RYR2: variants seen among roughly 807,000 people sequenced by gnomAD.
RYR2 encodes ryanodine receptor 2, also known as cardiac muscle ryanodine receptor-calcium release channel.
In RYR2, 227 loss-of-function variants were observed where a neutral mutation model predicts 601.1. That is an observed-to-expected ratio of 0.38 (90% CI 0.34 to 0.42). The LOEUF is 0.42. Among genes scored for constraint, RYR2 ranks in the 10% least tolerant of loss-of-function variants. RYR2 has a pLI of 1.00. For missense variants in RYR2, 4,646 were observed against 6,156.5 expected (o/e 0.75, Z 8.21); for synonymous variants, 2,223 against 2,175.1 (o/e 1.02, Z -0.61).
Position 237,610,780 on chromosome 1 carries a change from G to T in RYR2, c.4702G>T (p.Ala1568Ser). 6.2e-7 allele frequency: 1 copy of T among 1,606,032 alleles called. No individual in the cohort carries two copies. Among genetic ancestry groups the T allele is most frequent in the Non-Finnish European group, 8.5e-7 (1 of 1,176,640 alleles). Residue 1568 changes from alanine to serine, a missense_variant, in exon 36 of 105, where the codon GCG (alanine) becomes TCG (serine). Physicochemically the swap from Ala to Ser is moderately conservative, Grantham distance 99. Coordinates refer to ENST00000366574, the MANE Select transcript of RYR2 (RefSeq NM_001035.3). The surrounding 1 kb of genome is among the most constrained non-coding windows in gnomAD (Gnocchi z 4.9). Reference protein sequence around the residue: ...GRIKNVMPLSAGLFKSEHKNP... With the variant: ...GRIKNVMPLSSGLFKSEHKNP... ...CCGCTAGAATGTGATGCCTCTCTCG[G>T]CGGGATTATTCAAGAGTGAGCACAA... is the stretch of plus-strand genomic sequence containing the variant.
At chr1:237,724,157 T>C (rs935062224) in intron 74 of RYR2, among the ~76,000 whole-genome samples, 14 of 144,816 alleles carry the variant, frequency 9.7e-5, no homozygotes, top group Admixed American at 3.5e-4. Context: ...TCTCAGGAAC[T>C]TTGCCACCTA....
rs375837517 is a variant in RYR2 at position 237,454,430 on chromosome 1, A to G, written c.1332A>G (p.Thr444=). 4 of 1,612,768 alleles carry G rather than the reference A, an allele frequency of 2.5e-6. No homozygotes were observed. Among genetic ancestry groups the G allele is most frequent in the Non-Finnish European group, 3.4e-6 (4 of 1,179,382 alleles). The part of the protein sequence containing the change: ...DALSKKAKAS[T]VDLPIESVSL... ...TCAGCAAGAAAGCGAAGGCTTCCACAGTCGATTTGCCTATAGAGTCCGTAA... is the reference window on the plus strand; with the variant it reads ...TCAGCAAGAAAGCGAAGGCTTCCACGGTCGATTTGCCTATAGAGTCCGTAA... The change falls in exon 15 of 105, where the codon ACA becomes ACG. Residue 444 remains threonine (T), a synonymous_variant. Transcript: ENST00000366574.
intron 25 of RYR2, among the ~76,000 whole-genome samples, chr1:237,543,591 T>C (rs962220230): frequency 6.6e-6 from 1 of 152,200 alleles, no homozygotes; most frequent in Non-Finnish European, 1.5e-5. Flanking sequence ...CAGCTAACAC[T>C]CCCTGAACTT....
rs1663946529 is a variant in RYR2 at position 237,832,734 on chromosome 1, T to A, written c.*87T>A. ...CTCTGCTCTCTTGGAAACATTTTGC[T>A]GATTTTGTGAATTGCCAGCGTTGTG... On this transcript the variant is annotated 3_prime_UTR_variant, in exon 105 of 105. Transcript: ENST00000366574. 1.4e-6 allele frequency: 1 copy of A among 732,364 alleles called. No individual in the cohort carries two copies. The highest frequency in any genetic ancestry group is 2.2e-6 in the Non-Finnish European group (1 of 445,848). 45.4% of individuals were successfully genotyped at this position (732,364 alleles called of 1,614,324 possible).
chr1:237,267,626 G>T, intron 1 of RYR2: 1 of 321,848 alleles, frequency 3.1e-6, no homozygotes, highest in East Asian at 1.2e-4. Context: ...CATCTAACAA[G>T]CTCTCAAGTG....
At chr1:237,496,954 A>C (rs930836272) in intron 20 of RYR2, among the ~76,000 whole-genome samples, 4 of 152,208 alleles carry the variant, frequency 2.6e-5, no homozygotes, top group African/African-American at 9.6e-5. Context: ...ATTATAGTAC[A>C]TTTCCAAGGG....
At chr1:237,792,667 C>T (rs570500900) in intron 94 of RYR2, among the ~76,000 whole-genome samples, 1 of 152,140 alleles carries the variant, frequency 6.6e-6, no homozygotes, top group African/African-American at 2.4e-5. Context: ...ATTGACTAGT[C>T]TGCCCTGGGA....
At chr1:237,198,791 T>A (rs1266761673) in intron 1 of RYR2, among the ~76,000 whole-genome samples, 1 of 152,090 alleles carries the variant, frequency 6.6e-6, no homozygotes, top group Non-Finnish European at 1.5e-5. Flanking sequence ...TGCAAAGGAT[T>A]CAGAAAATCA....
chr1:237,565,073 C>G (rs1200666187), intron 27 of RYR2, among the ~76,000 whole-genome samples: 1 of 152,086 alleles, frequency 6.6e-6, no homozygotes, highest in Non-Finnish European at 1.5e-5. Context: ...TAAGGAGAAA[C>G]AAATAGGAAC....
Position 237,106,823 on chromosome 1 carries a change from C to T in RYR2, c.48+64254C>T, listed in dbSNP as rs188106213. Reference sequence around the variant, plus strand: ...CAATTTGGTGTCTGGTGAAGGCTCGCTTCCTGGTTCATAGGCGGCTGTCTT... The same window carrying T: ...CAATTTGGTGTCTGGTGAAGGCTCGTTTCCTGGTTCATAGGCGGCTGTCTT... On this transcript the variant is annotated intron_variant, in intron 1 of 104. Coordinates refer to ENST00000366574, the MANE Select transcript of RYR2 (RefSeq NM_001035.3). This position sits in a 1 kb window ranked among gnomAD's most constrained non-coding sequence, Gnocchi z 4.4. Among the ~76,000 whole-genome samples the T allele has an allele frequency of 6.6e-6, 1 of 152,330 alleles. No individual in the cohort carries two copies. Among genetic ancestry groups the T allele is most frequent in the Non-Finnish European group, 1.5e-5 (1 of 68,044 alleles).
intron 2 of RYR2, among the ~76,000 whole-genome samples, chr1:237,274,969 C>T (rs1386305035): frequency 6.6e-6 from 1 of 151,836 alleles, no homozygotes; most frequent in South Asian, 2.1e-4. Flanking sequence ...TACATACACT[C>T]CATGATGTAC....
At chr1:237,309,944 C>A (rs1307657555) in intron 2 of RYR2, among the ~76,000 whole-genome samples, 3 of 152,220 alleles carry the variant, frequency 2.0e-5, no homozygotes, top group Non-Finnish European at 2.9e-5. Flanking sequence ...CGAGCCCACG[C>A]TCACCAGCAC....
intron 10 of RYR2, among the ~76,000 whole-genome samples, chr1:237,416,171 T>C (rs1704960026): frequency 6.6e-6 from 1 of 152,078 alleles, no homozygotes; most frequent in Non-Finnish European, 1.5e-5. Flanking sequence ...TCTGTTTCAG[T>C]GGAGAAATGG....
At chr1:237,767,097 T>C (rs55977546) in intron 84 of RYR2, among the ~76,000 whole-genome samples, 8,594 of 152,160 alleles carry the variant, frequency 0.056, 276 homozygotes, top group Non-Finnish European at 0.078. Context: ...AAATGAGGAG[T>C]TGAGGAGTTT....
chr1:237,628,490 G>C (rs543819140), intron 41 of RYR2, among the ~76,000 whole-genome samples: 3 of 150,984 alleles, frequency 2.0e-5, no homozygotes, highest in Non-Finnish European at 4.4e-5. Context: ...TTGTTCTTGC[G>C]ATAGTTTACT....
At chr1:237,694,562 A>T (rs990594220) in intron 63 of RYR2, among the ~76,000 whole-genome samples, 2 of 152,040 alleles carry the variant, frequency 1.3e-5, no homozygotes, top group Non-Finnish European at 2.9e-5. Context: ...AAAAAATCCT[A>T]TTTTTTTAGA....
At chr1:237,370,621 G>A (rs1479454266) in intron 6 of RYR2, among the ~76,000 whole-genome samples, 3 of 151,200 alleles carry the variant, frequency 2.0e-5, no homozygotes, top group Non-Finnish European at 2.9e-5. Flanking sequence ...AGGGTCAACT[G>A]TATATAAAAT....
rs1011781351 is a variant in RYR2 at position 237,646,059 on chromosome 1, C to T, written c.7343-2385C>T. On this transcript the variant is annotated intron_variant, in intron 48 of 104. Coordinates refer to ENST00000366574, the MANE Select transcript of RYR2 (RefSeq NM_001035.3). ...GCCCGGCTAATTCTTTTGTATTTTT[C>T]GTAGACACGGGGTTTCACCATGTTA... is the stretch of plus-strand genomic sequence containing the variant. Among the ~76,000 whole-genome samples the T allele has an allele frequency of 5.9e-5, 9 of 151,662 alleles. No homozygotes were observed. In the South Asian group the frequency reaches 6.3e-4, roughly 11 times the overall value.
chr1:237,234,481 AGTATCT>A (rs1266258684), intron 1 of RYR2, among the ~76,000 whole-genome samples: 7 of 152,208 alleles, frequency 4.6e-5, no homozygotes, highest in Non-Finnish European at 1.0e-4. Flanking sequence ...TTATATCTAA[AGTATCT>A]GTTCGGTGGG....
Sources: allele counts gnomAD v4.1 joint callset (sites outside exome capture counted in the v4.1 genomes callset), GRCh38; gene constraint gnomAD v4.1.1; non-coding constraint Gnocchi (gnomAD v3.1); transcripts MANE v1.5; gene names NCBI Gene and HGNC (gene_info 2026-07-23, HGNC 2026-07-21).